The following ADGRL2 variants were observed in gnomAD, a reference collection of about 807,000 sequenced individuals.
ADGRL2 encodes the protein calcium-independent alpha-latrotoxin receptor 2.
A neutral mutation model predicts 157.4 loss-of-function variants in ADGRL2; 44 were observed. That is an observed-to-expected ratio of 0.28 (90% confidence interval 0.22 to 0.36). ADGRL2 has a LOEUF of 0.36. Ranked by LOEUF, ADGRL2 falls within the 10% of genes least tolerant of loss-of-function variation. ADGRL2 has a pLI of 1.00. For missense variants in ADGRL2, 1,510 were observed against 1,768.9 expected (o/e 0.85, Z 2.63); for synonymous variants, 585 against 624.7 (o/e 0.94, Z 0.95).
At chr1:81,589,894 T>C (rs1246407428) in intron 3 of ADGRL2, among the ~76,000 whole-genome samples, 3 of 152,138 alleles carry the variant, frequency 2.0e-5, no homozygotes, top group South Asian at 2.1e-4. Flanking sequence ...AAAATGATCA[T>C]TAAATGAGTG....
chr1:81,481,607 C>A (rs2078389667), intron 2 of ADGRL2, among the ~76,000 whole-genome samples: 1 of 152,186 alleles, frequency 6.6e-6, no homozygotes, highest in African/African-American at 2.4e-5. Flanking sequence ...ATTTTCATCT[C>A]ATTTAACTAG....
chr1:81,485,845 C>T (rs2078488586), intron 2 of ADGRL2, among the ~76,000 whole-genome samples: 1 of 151,962 alleles, frequency 6.6e-6, no homozygotes, highest in African/African-American at 2.4e-5. Flanking sequence ...AATGATGAAT[C>T]AAGTGAAGGA....
intron 3 of ADGRL2, among the ~76,000 whole-genome samples, chr1:81,588,852 G>C (rs189727453): frequency 6.6e-6 from 1 of 152,192 alleles, no homozygotes; most frequent in East Asian, 1.9e-4. Flanking sequence ...TAGTCTATTG[G>C]CATAAGGAGC....
chr1:81,520,930 C>T (rs762759093), intron 2 of ADGRL2, among the ~76,000 whole-genome samples: 11 of 152,124 alleles, frequency 7.2e-5, no homozygotes, highest in Non-Finnish European at 1.3e-4. Context: ...GGGACCAATA[C>T]GGCTACTTGA....
intron 3 of ADGRL2, among the ~76,000 whole-genome samples, chr1:81,606,135 C>T (rs552491004): frequency 3.3e-5 from 5 of 152,248 alleles, no homozygotes; most frequent in Non-Finnish European, 7.4e-5. Context: ...TTGTACCTCT[C>T]CAAATGCTCA....
intron 1 of ADGRL2, among the ~76,000 whole-genome samples, chr1:81,820,189 A>G (rs964553505): frequency 6.6e-6 from 1 of 152,198 alleles, no homozygotes; most frequent in Non-Finnish European, 1.5e-5. Context: ...ATTAACTCAG[A>G]GTAGGCTCTC....
At chr1:81,395,801 CT>C (rs1368421676) in intron 1 of ADGRL2, among the ~76,000 whole-genome samples, 1 of 152,136 alleles carries the variant, frequency 6.6e-6, no homozygotes, top group African/African-American at 2.4e-5. Context: ...AAGAGACTGA[CT>C]TTTGTCTAAT....
At chr1:81,485,028 T>C (rs1027782240) in intron 2 of ADGRL2, among the ~76,000 whole-genome samples, 1 of 152,086 alleles carries the variant, frequency 6.6e-6, no homozygotes, top group Non-Finnish European at 1.5e-5. Context: ...TTTCATCCAA[T>C]GATAAATATA....
chr1:81,936,680 T>C, intron 3 of ADGRL2, 48 bp from the exon 4 acceptor site: 1 of 1,075,006 alleles, frequency 9.3e-7, no homozygotes, highest in Non-Finnish European at 1.4e-6. Context: ...TAAGTGAAAA[T>C]AATCAAATAA....
At chr1:81,877,520 A>G (rs1571861800) in intron 2 of ADGRL2, among the ~76,000 whole-genome samples, 1 of 152,174 alleles carries the variant, frequency 6.6e-6, no homozygotes, top group South Asian at 2.1e-4. Flanking sequence ...TAATGTGTGT[A>G]CTTGAGGTTC....
At chr1:81,768,402 A>G (rs769250313) in intron 2 of ADGRL2, among the ~76,000 whole-genome samples, 8 of 152,072 alleles carry the variant, frequency 5.3e-5, no homozygotes, top group Non-Finnish European at 7.4e-5. Context: ...TTAATTTTCA[A>G]TATTTGATTA....
chr1:81,352,893 G>T (rs1006197354), intron 1 of ADGRL2, among the ~76,000 whole-genome samples: 3 of 152,064 alleles, frequency 2.0e-5, no homozygotes, highest in Non-Finnish European at 4.4e-5. Context: ...GGGTTAATTA[G>T]GTCAGGTCAA....
In ADGRL2 at chr1:81,672,158, T is replaced by C. The variant is rs72939283; in HGVS notation, c.-142-89653T>C. Among the ~76,000 whole-genome samples, 1,238 of 152,354 alleles carry C rather than the reference T, an allele frequency of 8.1e-3. 14 individuals are homozygous for C. The highest frequency in any genetic ancestry group is 0.028 in the African/African-American group (1,164 of 41,582). ...TTAGAATTGGGCTTTCAAGTGTTGC[T>C]TTAGCAGCCTTCTGTAGCCTTCTAA... On this transcript the variant is annotated intron_variant, in intron 3 of 24. Coordinates refer to the ADGRL2 transcript ENST00000370721.
intron 1 of ADGRL2, among the ~76,000 whole-genome samples, chr1:81,414,544 T>G (rs1557671306): frequency 1.3e-5 from 2 of 152,166 alleles, no homozygotes; most frequent in South Asian, 2.1e-4. Flanking sequence ...TGGTGGGTGG[T>G]GCAAGGGAGG....
chr1:81,903,100 T>A (rs747201253), intron 2 of ADGRL2, among the ~76,000 whole-genome samples: 2 of 152,356 alleles, frequency 1.3e-5, no homozygotes, highest in African/African-American at 2.4e-5. Flanking sequence ...TGGCTTTAAT[T>A]CTTCAGAAAA....
chr1:81,740,398 T>A (rs2085035629), intron 1 of ADGRL2, among the ~76,000 whole-genome samples: 1 of 152,198 alleles, frequency 6.6e-6, no homozygotes, highest in Non-Finnish European at 1.5e-5. Flanking sequence ...TGAAATGACA[T>A]CTTATGTTTG....
intron 2 of ADGRL2, among the ~76,000 whole-genome samples, chr1:81,552,062 T>C (rs1322442933): frequency 6.6e-6 from 1 of 152,156 alleles, no homozygotes; most frequent in Admixed American, 6.6e-5. Context: ...AAAATGTTTA[T>C]GTAAAAATTG....
intron 2 of ADGRL2, among the ~76,000 whole-genome samples, chr1:81,874,796 C>A (rs2093793785): frequency 6.6e-6 from 1 of 152,018 alleles, no homozygotes; most frequent in Non-Finnish European, 1.5e-5. Flanking sequence ...ACCTCTGCCT[C>A]CTGGGTTCAA....
At chr1:81,697,833 C>T (rs190807356), upstream of ADGRL2, among the ~76,000 whole-genome samples, 38 of 152,260 alleles carry the variant, frequency 2.5e-4, no homozygotes, top group Middle Eastern at 3.4e-3. Flanking sequence ...ATGATGCCAG[C>T]CCCTCCTCAG....
Sources: allele counts gnomAD v4.1 joint callset (sites outside exome capture counted in the v4.1 genomes callset), GRCh38; gene constraint gnomAD v4.1.1; transcripts MANE v1.5; gene names NCBI Gene and HGNC (gene_info 2026-07-23, HGNC 2026-07-21).